The following CCDC141 variants were observed in gnomAD, a reference collection of about 807,000 sequenced individuals.
CCDC141 encodes coiled-coil domain-containing protein 141.
CCDC141 carries 168 observed loss-of-function variants against 181.0 expected under a neutral mutation model. That is an observed-to-expected ratio of 0.93 (90% confidence interval 0.82 to 1.05). The LOEUF (loss-of-function observed/expected upper bound fraction) is 1.05, where lower values mean the gene tolerates loss of function less well. CCDC141 is among the 50% of genes least tolerant of loss of function. The probability of loss-of-function intolerance (pLI) is 0.00; values close to 1 mark genes in which losing one functional copy is unlikely to be tolerated. For missense variants in CCDC141, 1,902 were observed against 1,788.5 expected, an observed-to-expected ratio of 1.06 and a Z score of -1.14; for synonymous variants, 666 against 642.3, an observed-to-expected ratio of 1.04 and a Z score of -0.56.
rs191715492 is a variant in CCDC141, at chr2:179,014,136, A to G, written c.225+33148T>C. Reference sequence around the variant, plus strand: ...AAACCCAAATACTCACAGCCAACTGATCTTCGACAAAGCAAACAAAAATGT... The same window carrying G: ...AAACCCAAATACTCACAGCCAACTGGTCTTCGACAAAGCAAACAAAAATGT... On this transcript the variant is annotated intron_variant, in intron 2 of 23. Transcript: ENST00000443758. Among the ~76,000 whole-genome samples the G allele has an allele frequency of 4.8e-4, 73 of 152,200 alleles. 3 individuals carry two copies. The highest frequency in any genetic ancestry group is 4.6e-3 in the South Asian group (22 of 4,794).
chr2:179,004,977 C>T (rs369311639), intron 2 of CCDC141, among the ~76,000 whole-genome samples: 2 of 152,174 alleles, frequency 1.3e-5, no homozygotes, highest in Non-Finnish European at 2.9e-5. Flanking sequence ...GGTTATCCAC[C>T]TGCCTCGGCC....
At chr2:178,863,577 A>T (rs1685712651) in intron 17 of CCDC141, among the ~76,000 whole-genome samples, 1 of 152,204 alleles carries the variant, frequency 6.6e-6, no homozygotes. Flanking sequence ...TGCTGTTCAC[A>T]ATATAAACTG....
chr2:179,043,375 C>T (rs2043377591), intron 2 of CCDC141, among the ~76,000 whole-genome samples: 2 of 151,924 alleles, frequency 1.3e-5, no homozygotes, highest in Admixed American at 6.6e-5. Flanking sequence ...ATCCTGATGC[C>T]AAAACCTGGC....
chr2:178,992,248 T>C lies in CCDC141; in HGVS notation c.226-13573A>G, dbSNP rs1345023692. 2.6e-5 allele frequency among the ~76,000 whole-genome samples: 4 copies of C among 151,820 alleles called. 1 individual carries two copies. The East Asian group carries it at 7.7e-4, about 29-fold the overall frequency. The stretch of plus-strand genomic sequence containing the variant: ...TTTCACCTTCTTATTTATATCTTTC[T>C]GTATATTTTCAATTTTCAATTTTTT... On this transcript the variant is annotated intron_variant, in intron 2 of 23. Transcript: ENST00000443758.
At chr2:178,998,809 G>T (rs1692401849) in intron 2 of CCDC141, among the ~76,000 whole-genome samples, 1 of 152,034 alleles carries the variant, frequency 6.6e-6, no homozygotes, top group Non-Finnish European at 1.5e-5. Flanking sequence ...AAGTGTCAAT[G>T]GTGGGTCTGA....
chr2:178,970,953 T>A (rs1690858566), intron 4 of CCDC141, among the ~76,000 whole-genome samples: 1 of 152,230 alleles, frequency 6.6e-6, no homozygotes, highest in Non-Finnish European at 1.5e-5. Flanking sequence ...CTCACGCCTG[T>A]AATCCCAGCA....
chr2:178,852,647 C>T lies in CCDC141; in HGVS notation c.3244+794G>A, dbSNP rs569146008. ...TGTTATAAGAGAAAATACCTGGCAG[C>T]AGCCATGGGCAGGCAAATTAAGCAT... On this transcript the variant is annotated intron_variant, in intron 20 of 23. Transcript: ENST00000443758. 3.3e-5 allele frequency among the ~76,000 whole-genome samples: 5 copies of T among 152,322 alleles called. No homozygotes were observed. The South Asian group carries it at 1.0e-3, about 32-fold the overall frequency.
chr2:178,960,600 C>T lies in CCDC141; in HGVS notation c.780+630G>A, dbSNP rs1259321325. On this transcript the variant is annotated intron_variant, in intron 5 of 23. Coordinates refer to ENST00000443758, the MANE Select transcript of CCDC141 (RefSeq NM_173648.4). ...TGGGGGTTTGCAAAGAGAGTTCTGCCCACTCTTCACATCAAATAATTGTAG... is the reference window on the plus strand; with the variant it reads ...TGGGGGTTTGCAAAGAGAGTTCTGCTCACTCTTCACATCAAATAATTGTAG... Among the ~76,000 whole-genome samples, 7 of 152,100 alleles carry T rather than the reference C, an allele frequency of 4.6e-5. No homozygotes were observed. The South Asian group carries it at 1.2e-3, about 27-fold the overall frequency.
intron 17 of CCDC141, among the ~76,000 whole-genome samples, chr2:178,863,388 C>G (rs766671415): frequency 6.6e-6 from 1 of 152,126 alleles, no homozygotes; most frequent in Non-Finnish European, 1.5e-5. Flanking sequence ...TGGTTTAGTC[C>G]TCTGGCATGT....
intron 2 of CCDC141, among the ~76,000 whole-genome samples, chr2:179,031,628 A>C (rs1210835625): frequency 6.6e-6 from 1 of 152,154 alleles, no homozygotes. Flanking sequence ...TTAATGCTCC[A>C]GAATTCATAT....
At chr2:178,932,568 AT>A (rs1689141655) in intron 6 of CCDC141, among the ~76,000 whole-genome samples, 1 of 152,238 alleles carries the variant, frequency 6.6e-6, no homozygotes, top group Non-Finnish European at 1.5e-5. Flanking sequence ...TTGGAAAAAA[AT>A]CATTGAAAAA....
At chr2:178,970,280 C>T (rs1690826381) in intron 4 of CCDC141, among the ~76,000 whole-genome samples, 1 of 152,166 alleles carries the variant, frequency 6.6e-6, no homozygotes, top group Non-Finnish European at 1.5e-5. Context: ...CTTTAAAGTT[C>T]ATATGGAACA....
chr2:178,867,645 C>T (rs1335625241), intron 16 of CCDC141, among the ~76,000 whole-genome samples: 1 of 152,076 alleles, frequency 6.6e-6, no homozygotes, highest in Non-Finnish European at 1.5e-5. Context: ...CATAACTATA[C>T]TGAAGATCAA....
Position 178,868,324 on chromosome 2 carries a change from A to C in CCDC141, c.2395-119T>G, listed in dbSNP as rs1426247588. 5.2e-6 allele frequency: 4 copies of C among 767,406 alleles called. No individual in the cohort carries two copies. The African/African-American group carries it at 7.0e-5, about 13-fold the overall frequency. 47.5% of individuals were successfully genotyped at this position (767,406 alleles called of 1,614,324 possible). Reference sequence around the variant, plus strand: ...CGAAATGCTGCCAAGCCCATCTTTAAACTGTTGGCATTAGCCAAATAAATG... The same window carrying C: ...CGAAATGCTGCCAAGCCCATCTTTACACTGTTGGCATTAGCCAAATAAATG... On this transcript the variant is annotated intron_variant, in intron 15 of 23. Coordinates refer to ENST00000443758, the MANE Select transcript of CCDC141 (RefSeq NM_173648.4).
At chr2:178,903,859 C>G (rs1421888859) in intron 8 of CCDC141, among the ~76,000 whole-genome samples, 1 of 151,958 alleles carries the variant, frequency 6.6e-6, no homozygotes, top group Non-Finnish European at 1.5e-5. Flanking sequence ...TAACATCTGT[C>G]TGTGCTTTGA....
chr2:178,999,182 A>G (rs1217924661), intron 2 of CCDC141, among the ~76,000 whole-genome samples: 2 of 152,134 alleles, frequency 1.3e-5, no homozygotes, highest in Non-Finnish European at 2.9e-5. Flanking sequence ...AATTCAAACC[A>G]TCTACAAATA....
At chr2:178,822,694 G>A in the CCDC141 span, among the ~76,000 whole-genome samples, 42 of 152,060 alleles carry the variant, frequency 2.8e-4, no homozygotes, top group Non-Finnish European at 4.3e-4. Context: ...GGATTCAGAT[G>A]GCCCTATGTT....
At chr2:178,865,656 T>G in intron 17 of CCDC141, 111 bp downstream of exon 17, 2 of 999,000 alleles carry the variant, frequency 2.0e-6, no homozygotes, top group Non-Finnish European at 2.7e-6. Flanking sequence ...CCTGATTCAT[T>G]GTGTGTTTGC....
rs16866583 is a variant in CCDC141 at position 178,975,414 on chromosome 2, A to G, written c.418-249T>C. On this transcript the variant is annotated intron_variant, in intron 3 of 23. Transcript: ENST00000443758. ...CTTTCTTCTCCTTTCATACCTAATT[A>G]TATAGGCTGAAATAAACCAACCTGT... 0.47 allele frequency among the ~76,000 whole-genome samples: 71,014 copies of G among 151,860 alleles called. 17,270 individuals are homozygous for G. Among genetic ancestry groups the G allele is most frequent in the East Asian group, 0.71 (3,663 of 5,174 alleles).
Sources: allele counts gnomAD v4.1 joint callset (sites outside exome capture counted in the v4.1 genomes callset), GRCh38; gene constraint gnomAD v4.1.1; transcripts MANE v1.5; gene names NCBI Gene and HGNC (gene_info 2026-07-23, HGNC 2026-07-21).